The following NLGN1 variants were observed in gnomAD, a reference collection of about 807,000 sequenced individuals.
NLGN1 encodes neuroligin-1.
A neutral mutation model predicts 65.5 loss-of-function variants in NLGN1; 12 were observed. That is an observed-to-expected ratio of 0.18 (90% CI 0.12 to 0.30). The LOEUF (loss-of-function observed/expected upper bound fraction) is 0.30, where lower values mean the gene tolerates loss of function less well. Ranked by LOEUF, NLGN1 falls within the 10% of genes least tolerant of loss-of-function variation. The pLI, the probability that NLGN1 is intolerant of heterozygous loss-of-function variation, is 1.00. For missense variants in NLGN1, 750 were observed against 1,007.1 expected (o/e 0.74, Z 3.46); for synonymous variants, 350 against 359.5 (o/e 0.97, Z 0.30).
At chr3:174,265,161 G>A (rs1029417283) in intron 4 of NLGN1, among the ~76,000 whole-genome samples, 5 of 151,750 alleles carry the variant, frequency 3.3e-5, no homozygotes, top group Non-Finnish European at 7.4e-5. Context: ...CCCAGAGGTG[G>A]AGCCTACAGA....
At chr3:174,255,601 A>G (rs151087754) in intron 4 of NLGN1, among the ~76,000 whole-genome samples, 1,693 of 147,482 alleles carry the variant, frequency 0.011, 30 homozygotes, top group East Asian at 0.03. Context: ...TTAGGTTATT[A>G]TAGAACTAAG....
Position 173,826,507 on chromosome 3 carries a change from G to A in NLGN1, c.646+18675G>A, listed in dbSNP as rs538412818. Among the ~76,000 whole-genome samples, 63 of 152,200 alleles carry A rather than the reference G, an allele frequency of 4.1e-4. 1 individual carries two copies. Among genetic ancestry groups the A allele is most frequent in the Middle Eastern group, 3.4e-3 (1 of 294 alleles). ...TGATTCCTTACTCATTTGATCATAA[G>A]CAGAATACTTAAATTTTCATGTCTG... On this transcript the variant is annotated intron_variant, in intron 4 of 6. Coordinates refer to ENST00000457714, the Ensembl canonical transcript of NLGN1.
intron 4 of NLGN1, among the ~76,000 whole-genome samples, chr3:173,815,688 T>C (rs1380163029): frequency 6.6e-6 from 1 of 152,108 alleles, no homozygotes; most frequent in Non-Finnish European, 1.5e-5. Context: ...CTCTCTATCC[T>C]TCTCTCTCTA....
At chr3:173,910,574 T>C (rs1313973338) in intron 4 of NLGN1, 4 of 152,220 alleles carry the variant, frequency 2.6e-5, no homozygotes, top group African/African-American at 9.7e-5. Context: ...TATTTTCTAG[T>C]ATCCTTTGAT....
At chr3:173,883,042 A>G (rs1056380008) in intron 4 of NLGN1, among the ~76,000 whole-genome samples, 3 of 145,802 alleles carry the variant, frequency 2.1e-5, no homozygotes, top group African/African-American at 7.8e-5. Flanking sequence ...AGCACTTCCA[A>G]TTTCCTTCAA....
At chr3:173,828,885 T>C (rs1721905430) in intron 4 of NLGN1, among the ~76,000 whole-genome samples, 1 of 151,914 alleles carries the variant, frequency 6.6e-6, no homozygotes, top group Non-Finnish European at 1.5e-5. Context: ...AGTAGGGTAA[T>C]GGCAAATGTT....
chr3:173,599,032 C>T (rs774053876), intron 2 of NLGN1, among the ~76,000 whole-genome samples: 1 of 152,116 alleles, frequency 6.6e-6, no homozygotes, highest in Non-Finnish European at 1.5e-5. Flanking sequence ...CTTCTGTGAC[C>T]AACAGTGTTT....
chr3:173,707,608 C>G (rs1380842661), intron 3 of NLGN1, among the ~76,000 whole-genome samples: 1 of 152,066 alleles, frequency 6.6e-6, no homozygotes, highest in Non-Finnish European at 1.5e-5. Flanking sequence ...TGATATGAAT[C>G]TTAAGTAATC....
At chr3:173,699,451 T>C (rs1047767691) in intron 3 of NLGN1, among the ~76,000 whole-genome samples, 2 of 152,208 alleles carry the variant, frequency 1.3e-5, no homozygotes, top group African/African-American at 4.8e-5. Flanking sequence ...TATTCAAATG[T>C]GTCATGAGGG....
At chr3:173,690,370 C>A (rs1221048518) in intron 3 of NLGN1, among the ~76,000 whole-genome samples, 1 of 152,024 alleles carries the variant, frequency 6.6e-6, no homozygotes, top group Non-Finnish European at 1.5e-5. Context: ...ATTTTTATTC[C>A]TGCCTAGACA....
At chr3:173,909,994 T>C (rs751249271) in intron 4 of NLGN1, among the ~76,000 whole-genome samples, 1 of 152,182 alleles carries the variant, frequency 6.6e-6, no homozygotes, top group Non-Finnish European at 1.5e-5. Flanking sequence ...ACATTTCTTA[T>C]AGTGAAGGCA....
intron 3 of NLGN1, among the ~76,000 whole-genome samples, chr3:173,762,374 G>A (rs775984538): frequency 1.3e-5 from 2 of 151,932 alleles, no homozygotes; most frequent in African/African-American, 4.8e-5. Flanking sequence ...TAAAAGTGAC[G>A]ATGCAAACAC....
At chr3:173,783,133 AG>A (rs1781435732) in intron 3 of NLGN1, among the ~76,000 whole-genome samples, 1 of 152,196 alleles carries the variant, frequency 6.6e-6, no homozygotes, top group Non-Finnish European at 1.5e-5. Context: ...TGGGGATGAG[AG>A]GTAGGAACAG....
intron 1 of NLGN1, among the ~76,000 whole-genome samples, chr3:173,425,151 G>A (rs549446589): frequency 9.6e-4 from 146 of 152,234 alleles, no homozygotes; most frequent in African/African-American, 3.4e-3. Context: ...CAGATCTTGT[G>A]AGAACTCCTT....
At chr3:173,983,800 C>T (rs1719295754) in intron 4 of NLGN1, among the ~76,000 whole-genome samples, 1 of 152,126 alleles carries the variant, frequency 6.6e-6, no homozygotes, top group African/African-American at 2.4e-5. Context: ...CCATCCTCAC[C>T]ATAACATTTT....
chr3:173,918,700 GTGTATA>G (rs755088952), intron 4 of NLGN1, among the ~76,000 whole-genome samples: 880 of 81,932 alleles, frequency 0.011, 9 homozygotes, highest in African/African-American at 0.035. Flanking sequence ...GTGTGTGTGT[GTGTATA>G]TATATATATT....
rs140933912 is a variant in NLGN1 at position 174,279,531 on chromosome 3, C to T, written c.1530C>T (p.Pro510=). The T allele has an allele frequency of 8.1e-6, 13 of 1,613,012 alleles. No individual in the cohort carries two copies. Among genetic ancestry groups the T allele is most frequent in the Non-Finnish European group, 1.1e-5 (13 of 1,179,514 alleles). Residue 510 remains proline (P), a synonymous_variant, in exon 6 of 7, where the codon CCC becomes CCT. Coordinates refer to ENST00000457714, the Ensembl canonical transcript of NLGN1. The surrounding 1 kb of genome is among the most constrained non-coding windows in gnomAD (Gnocchi z 4.7). ...ATGCAGCCCACGGAGACGAGGTTCC[C>T]TATGTACTGGGAATCCCCATGATTG...
chr3:173,635,961 T>C (rs536567599), intron 3 of NLGN1, among the ~76,000 whole-genome samples: 1 of 152,284 alleles, frequency 6.6e-6, no homozygotes, highest in African/African-American at 2.4e-5. Flanking sequence ...AGGCTCCTTA[T>C]GTGCAGTTCC....
At chr3:174,120,708 T>C (rs1022896189) in intron 4 of NLGN1, among the ~76,000 whole-genome samples, 1 of 152,180 alleles carries the variant, frequency 6.6e-6, no homozygotes, top group Non-Finnish European at 1.5e-5. Context: ...ACTTGAGTTA[T>C]AGAAAAATAT....
Sources: allele counts gnomAD v4.1 joint callset (sites outside exome capture counted in the v4.1 genomes callset), GRCh38; gene constraint gnomAD v4.1.1; non-coding constraint Gnocchi (gnomAD v3.1); transcripts MANE v1.5; gene names NCBI Gene and HGNC (gene_info 2026-07-23, HGNC 2026-07-21).